Variants in RPRD1A observed in about 807,000 individuals in gnomAD.
The protein encoded by RPRD1A is regulation of nuclear pre-mRNA domain containing 1A, also known as regulation of nuclear pre-mRNA domain-containing protein 1A.
In RPRD1A, 9 loss-of-function variants were observed where a neutral mutation model predicts 37.8. The ratio of observed to expected loss-of-function variants is 0.24; its 90% CI spans 0.14 to 0.42. The LOEUF is 0.42. Ranked by LOEUF, RPRD1A falls within the 10% of genes least tolerant of loss-of-function variation. The probability of loss-of-function intolerance (pLI) is 1.00; values close to 1 mark genes in which losing one functional copy is unlikely to be tolerated. For synonymous variants in RPRD1A, 138 were observed against 139.7 expected (o/e 0.99, Z 0.08); for missense variants, 255 against 371.0 (o/e 0.69, Z 2.57).
intron 6 of RPRD1A, among the ~76,000 whole-genome samples, chr18:36,023,253 T>C (rs1164099194): frequency 6.6e-6 from 1 of 152,216 alleles, no homozygotes; most frequent in African/African-American, 2.4e-5. Flanking sequence ...TGGGAGGAGA[T>C]AAAATATCAA....
chr18:36,009,769 G>A (rs1910055343), intron 6 of RPRD1A, among the ~76,000 whole-genome samples: 1 of 152,242 alleles, frequency 6.6e-6, no homozygotes, highest in Admixed American at 6.5e-5. Flanking sequence ...CACGTGGCTA[G>A]TGAGCACTTC....
chr18:36,050,334 T>C (rs58906216), intron 1 of RPRD1A, among the ~76,000 whole-genome samples: 35,040 of 151,662 alleles, frequency 0.23, 4,080 homozygotes, highest in East Asian at 0.25. Context: ...ACCTCCTGAG[T>C]TGGGGATCCT....
At chr18:36,005,138 A>G (rs184295866) in intron 6 of RPRD1A, among the ~76,000 whole-genome samples, 9 of 152,136 alleles carry the variant, frequency 5.9e-5, no homozygotes, top group African/African-American at 2.2e-4. Context: ...CGTCTCCGCT[A>G]AAAATACAAA....
intron 6 of RPRD1A, among the ~76,000 whole-genome samples, chr18:36,009,719 GTTCT>G (rs1206708096): frequency 1.3e-5 from 2 of 152,176 alleles, no homozygotes; most frequent in Non-Finnish European, 1.5e-5. Flanking sequence ...CAATGGAAAT[GTTCT>G]TTATCTGCAT....
At chr18:36,049,904 T>C (rs1036403825) in intron 1 of RPRD1A, among the ~76,000 whole-genome samples, 8 of 152,226 alleles carry the variant, frequency 5.3e-5, no homozygotes, top group Non-Finnish European at 8.8e-5. Flanking sequence ...CAGTTTTCTA[T>C]AGCAGCTGCA....
At chr18:36,053,960 A>C (rs1375994488) in intron 1 of RPRD1A, among the ~76,000 whole-genome samples, 1 of 152,198 alleles carries the variant, frequency 6.6e-6, no homozygotes, top group East Asian at 1.9e-4. Context: ...AATGCCTTTC[A>C]CTGAAATAGG....
chr18:36,058,529 TA>T (rs1007257478), intron 1 of RPRD1A, among the ~76,000 whole-genome samples: 8 of 152,208 alleles, frequency 5.3e-5, no homozygotes, highest in Non-Finnish European at 1.2e-4. Flanking sequence ...CAACTTTTTT[TA>T]AAAAACCTTA....
At chr18:36,037,622 C>A (rs1330024891) in intron 1 of RPRD1A, among the ~76,000 whole-genome samples, 1 of 152,176 alleles carries the variant, frequency 6.6e-6, no homozygotes, top group African/African-American at 2.4e-5. Flanking sequence ...CACTTTGGAA[C>A]TGGGTAACAG....
rs1908639474 is a variant in RPRD1A, at chr18:35,990,143, A to C, written c.*3008T>G. ...TTCTTAATAGAATACAAAGCAGTTT[A>C]GTAGCTTTATGTTATTTCAGATAAT... On this transcript the variant is annotated 3_prime_UTR_variant, in exon 7 of 7. Coordinates refer to ENST00000399022, the MANE Select transcript of RPRD1A (RefSeq NM_018170.5). The C allele has an allele frequency of 6.6e-6, 1 of 152,266 alleles. No individual in the cohort carries two copies. Among genetic ancestry groups the C allele is most frequent in the Non-Finnish European group, 1.5e-5 (1 of 68,040 alleles). The allele number at this position is 152,266 out of a possible 1,614,324, so 9.4% of individuals were successfully genotyped here.
At chr18:36,015,171 T>TACACAC (rs1317517659) in intron 6 of RPRD1A, among the ~76,000 whole-genome samples, 29 of 90,052 alleles carry the variant, frequency 3.2e-4, no homozygotes, top group African/African-American at 2.7e-4. Context: ...TATACACATA[T>TACACAC]ATACACACAC....
intron 6 of RPRD1A, among the ~76,000 whole-genome samples, chr18:35,995,440 G>A (rs534481667): frequency 2.0e-5 from 3 of 151,472 alleles, no homozygotes; most frequent in Non-Finnish European, 4.4e-5. Context: ...TAATTTTTTT[G>A]TATTTTTAGT....
chr18:36,014,062 C>T (rs1312045621), intron 6 of RPRD1A, among the ~76,000 whole-genome samples: 5 of 152,112 alleles, frequency 3.3e-5, no homozygotes, highest in Non-Finnish European at 5.9e-5. Context: ...TAAATATACA[C>T]ACACCTACAT....
chr18:36,017,725 T>C (rs928270850), intron 6 of RPRD1A, among the ~76,000 whole-genome samples: 3 of 152,238 alleles, frequency 2.0e-5, no homozygotes, highest in Non-Finnish European at 2.9e-5. Context: ...AGTATTGATA[T>C]TACATTTCCA....
intron 1 of RPRD1A, among the ~76,000 whole-genome samples, chr18:36,040,220 A>C (rs1050403205): frequency 4.6e-5 from 7 of 152,234 alleles, no homozygotes; most frequent in South Asian, 2.1e-4. Context: ...TAAATGATTA[A>C]GATCTCATGC....
At chr18:36,043,451 G>T (rs1178592042) in intron 1 of RPRD1A, among the ~76,000 whole-genome samples, 1 of 151,992 alleles carries the variant, frequency 6.6e-6, no homozygotes, top group Non-Finnish European at 1.5e-5. Flanking sequence ...ATTCTAAAAG[G>T]CCAAAGGAAA....
At position 36,005,477 on chromosome 18, in the gene RPRD1A, T is replaced by C. The variant is rs757368277; in HGVS notation, c.790-12177A>G. ...CAAATTTTCTCTAATAATTATGTAT[T>C]GGTTTTATGATGGGAAAATTCTTAG... On this transcript the variant is annotated intron_variant, in intron 6 of 6. Transcript: ENST00000399022. Among the ~76,000 whole-genome samples the C allele has an allele frequency of 3.2e-4, 49 of 152,334 alleles. No individual in the cohort carries two copies. The Middle Eastern group carries it at 0.017, about 53-fold the overall frequency.
At chr18:36,065,489 T>A (rs758927747) in intron 1 of RPRD1A, among the ~76,000 whole-genome samples, 1 of 152,186 alleles carries the variant, frequency 6.6e-6, no homozygotes, top group Non-Finnish European at 1.5e-5. Context: ...AAAGAAAAGG[T>A]TTCACTATGT....
chr18:36,057,722 T>C (rs1913893075), intron 1 of RPRD1A, among the ~76,000 whole-genome samples: 1 of 152,230 alleles, frequency 6.6e-6, no homozygotes, highest in African/African-American at 2.4e-5. Context: ...ATAATGCTGT[T>C]CTACATAACA....
intron 6 of RPRD1A, among the ~76,000 whole-genome samples, chr18:36,016,224 CTTTTT>C (rs1473310462): frequency 6.6e-6 from 1 of 151,706 alleles, no homozygotes; most frequent in African/African-American, 2.4e-5. Context: ...AATATCTTTT[CTTTTT>C]TCTTTTTTTT....
Sources: allele counts gnomAD v4.1 joint callset (sites outside exome capture counted in the v4.1 genomes callset), GRCh38; gene constraint gnomAD v4.1.1; transcripts MANE v1.5; gene names NCBI Gene and HGNC (gene_info 2026-07-23, HGNC 2026-07-21).